Variants in VEZT observed in about 807,000 individuals in gnomAD.
VEZT encodes the protein vezatin.
A neutral mutation model predicts 79.9 loss-of-function variants in VEZT; 39 were observed. The observed-to-expected ratio is 0.49, with a 90% CI of 0.38 to 0.64. The LOEUF is 0.64. VEZT is among the 30% of genes least tolerant of loss of function. VEZT has a pLI of 0.00. For missense variants in VEZT, 837 were observed against 893.1 expected (o/e 0.94, Z 0.80); for synonymous variants, 325 against 327.6 (o/e 0.99, Z 0.09).
intron 3 of VEZT, among the ~76,000 whole-genome samples, chr12:95,257,830 T>G (rs192558103): frequency 6.6e-6 from 1 of 152,224 alleles, no homozygotes; most frequent in Non-Finnish European, 1.5e-5. Context: ...CCTTAAGAAT[T>G]ATCATTCCTG....
intron 2 of VEZT, among the ~76,000 whole-genome samples, chr12:95,256,215 C>G (rs921320663): frequency 6.6e-6 from 1 of 152,040 alleles, no homozygotes; most frequent in African/African-American, 2.4e-5. Flanking sequence ...CTATGCCTGG[C>G]TAATTTTGTA....
At chr12:95,230,071 C>G (rs988274224) in intron 1 of VEZT, among the ~76,000 whole-genome samples, 1 of 147,956 alleles carries the variant, frequency 6.8e-6, no homozygotes, top group Non-Finnish European at 1.5e-5. Flanking sequence ...CACCACTGCA[C>G]TCCAGCCTGG....
At chr12:95,245,513 C>A (rs1164045266) in intron 1 of VEZT, 1 of 456,528 alleles carries the variant, frequency 2.2e-6, no homozygotes, top group Non-Finnish European at 4.4e-6. Flanking sequence ...TTTGTTTTAT[C>A]CCCTGTGCCT....
At chr12:95,248,080 T>G (rs1318023488) in intron 1 of VEZT, among the ~76,000 whole-genome samples, 12 of 152,184 alleles carry the variant, frequency 7.9e-5, no homozygotes, top group African/African-American at 2.4e-4. Flanking sequence ...TCCAGAACTG[T>G]AAAACAGTGC....
Position 95,300,199 on chromosome 12 carries a change from G to A in VEZT, c.1866G>A (p.Val622=). The change falls in exon 12 of 12, where the codon GTG becomes GTA. Residue 622 remains valine, a synonymous_variant. Transcript: ENST00000436874. Reference sequence around the variant, plus strand: ...AATCCTTGTCTCCTGTAGACCCAGTGGAACCCATAAGTAATTCAGAACCAT... The same window carrying A: ...AATCCTTGTCTCCTGTAGACCCAGTAGAACCCATAAGTAATTCAGAACCAT... ...VLKSLSPVDP[V]EPISNSEPSM... The A allele has an allele frequency of 1.3e-6, 2 of 1,549,454 alleles. No individual in the cohort carries two copies. Among genetic ancestry groups the A allele is most frequent in the Non-Finnish European group, 1.7e-6 (2 of 1,147,010 alleles).
chr12:95,281,795 C>CT (rs2069196069), intron 7 of VEZT, among the ~76,000 whole-genome samples: 1 of 152,142 alleles, frequency 6.6e-6, no homozygotes, highest in Non-Finnish European at 1.5e-5. Context: ...ATCCATCCGC[C>CT]TTCACCTCCC....
intron 8 of VEZT, among the ~76,000 whole-genome samples, chr12:95,287,262 T>C (rs1214993251): frequency 6.6e-6 from 1 of 152,176 alleles, no homozygotes; most frequent in Admixed American, 6.6e-5. Flanking sequence ...TACACATTGT[T>C]GTGTAGCCAT....
intron 7 of VEZT, among the ~76,000 whole-genome samples, chr12:95,281,735 G>A (rs1459463818): frequency 1.3e-5 from 2 of 151,900 alleles, no homozygotes; most frequent in Non-Finnish European, 2.9e-5. Context: ...TAGTAGAGAC[G>A]AGGTTTCACC....
chr12:95,253,806 A>T (rs2063010021), intron 2 of VEZT, among the ~76,000 whole-genome samples: 2 of 152,170 alleles, frequency 1.3e-5, no homozygotes, highest in Admixed American at 6.6e-5. Context: ...AGGTTGTTTT[A>T]AAAAATTACC....
chr12:95,255,863 A>G (rs539592547), intron 2 of VEZT, among the ~76,000 whole-genome samples: 110 of 152,238 alleles, frequency 7.2e-4, no homozygotes, highest in African/African-American at 2.4e-3. Context: ...CTCACACCCT[A>G]CAGGATAATG....
chr12:95,295,931 C>A, intron 10 of VEZT, 120 bp from the exon 11 acceptor site: 1 of 721,318 alleles, frequency 1.4e-6, no homozygotes, highest in Non-Finnish European at 2.2e-6. Context: ...GCTTTAATGA[C>A]CTGTGCCAAA....
In VEZT at chr12:95,245,496, T is replaced by C. The variant is rs1379940173; in HGVS notation, c.37-6444T>C. On this transcript the variant is annotated intron_variant, in intron 1 of 11. Coordinates refer to ENST00000436874, the MANE Select transcript of VEZT (RefSeq NM_017599.4). ...GATAAAACTCTTTTGGGAAAAACTG[T>C]TCCTGTTTTGTTTTATCCCCTGTGC... The C allele has an allele frequency of 1.8e-5, 8 of 456,306 alleles. No homozygotes were observed. The Admixed American group carries it at 1.9e-4, about 11-fold the overall frequency. The allele number at this position is 456,306 out of a possible 1,614,324, so 28.3% of individuals were successfully genotyped here.
chr12:95,272,831 A>G (rs1470528789), intron 6 of VEZT, among the ~76,000 whole-genome samples: 4 of 152,174 alleles, frequency 2.6e-5, no homozygotes, highest in Non-Finnish European at 5.9e-5. Context: ...ATCATGGCTC[A>G]CTGTAGTCTC....
intron 6 of VEZT, among the ~76,000 whole-genome samples, chr12:95,271,509 G>A (rs2066590608): frequency 1.3e-5 from 2 of 152,162 alleles, no homozygotes; most frequent in African/African-American, 4.8e-5. Flanking sequence ...GAGCTTCAGA[G>A]AATGAATAGA....
intron 8 of VEZT, among the ~76,000 whole-genome samples, chr12:95,287,102 C>G (rs2071143993): frequency 6.6e-6 from 1 of 151,980 alleles, no homozygotes; most frequent in African/African-American, 2.4e-5. Flanking sequence ...CTTTTTGGCC[C>G]ATAAAATGCC....
chr12:95,258,519 C>T (rs530755832), intron 3 of VEZT, among the ~76,000 whole-genome samples: 1 of 152,166 alleles, frequency 6.6e-6, no homozygotes, highest in South Asian at 2.1e-4. Flanking sequence ...TGGCTTTTGG[C>T]GTGAGATTGC....
At chr12:95,247,859 G>T (rs1346262419) in intron 1 of VEZT, among the ~76,000 whole-genome samples, 1 of 152,142 alleles carries the variant, frequency 6.6e-6, no homozygotes, top group African/African-American at 2.4e-5. Context: ...GTTTACATGT[G>T]TTAGGAAGTA....
intron 1 of VEZT, among the ~76,000 whole-genome samples, chr12:95,234,255 T>A (rs2059676583): frequency 6.6e-6 from 1 of 151,764 alleles, no homozygotes; most frequent in Non-Finnish European, 1.5e-5. Context: ...AACTGTTGCA[T>A]CATGTTAGCC....
At chr12:95,225,227 A>G (rs1317600223) in intron 1 of VEZT, among the ~76,000 whole-genome samples, 2 of 152,208 alleles carry the variant, frequency 1.3e-5, no homozygotes, top group East Asian at 3.8e-4. Flanking sequence ...ATCAAGCTCT[A>G]TCAAAGTTGC....
Sources: gnomAD v4.1 joint callset for allele counts (sites outside exome capture counted in the v4.1 genomes callset) on GRCh38, gnomAD v4.1.1 for gene constraint, MANE v1.5 for transcripts, NCBI Gene and HGNC (gene_info 2026-07-23, HGNC 2026-07-21) for gene names.